Variants in TCF12 observed in about 807,000 individuals in gnomAD.
TCF12 encodes DNA-binding protein HTF4.
TCF12 carries 45 observed loss-of-function variants against 86.0 expected under a neutral mutation model. That is an observed-to-expected ratio of 0.52 (90% confidence interval 0.41 to 0.67). The LOEUF is 0.67. Ranked by LOEUF, TCF12 falls within the 30% of genes least tolerant of loss-of-function variation. The pLI, the probability that TCF12 is intolerant of heterozygous loss-of-function variation, is 0.00. For synonymous variants in TCF12, 330 were observed against 299.6 expected (o/e 1.10, Z -1.05); for missense variants, 881 against 859.9 (o/e 1.02, Z -0.31).
chr15:57,203,284 C>G (rs559852431), intron 8 of TCF12, among the ~76,000 whole-genome samples: 1 of 152,024 alleles, frequency 6.6e-6, no homozygotes, highest in South Asian at 2.1e-4. Context: ...CTAAATCACT[C>G]GTTGAACATC....
chr15:57,130,032 A>C (rs2051984407), intron 5 of TCF12: 1 of 152,218 alleles, frequency 6.6e-6, no homozygotes, highest in Non-Finnish European at 1.5e-5. Flanking sequence ...GTAAAAGCAA[A>C]AATAGCTGAT....
At position 57,191,833 on chromosome 15, in the gene TCF12, C is replaced by T. The variant is rs548752925; in HGVS notation, c.391-325C>T. On this transcript the variant is annotated intron_variant, in intron 6 of 20. Transcript: ENST00000333725. ...CCTGTAATCCCAGCTACTCAGGAGGCTGAGGCATGAGAATCGCTTGAACAC... is the reference window on the plus strand; with the variant it reads ...CCTGTAATCCCAGCTACTCAGGAGGTTGAGGCATGAGAATCGCTTGAACAC... Among the ~76,000 whole-genome samples, 7 of 151,910 alleles carry T rather than the reference C, an allele frequency of 4.6e-5. No individual in the cohort carries two copies. In the South Asian group the frequency reaches 1.5e-3, roughly 32 times the overall value.
At chr15:57,172,785 T>C (rs1048466953) in intron 6 of TCF12, among the ~76,000 whole-genome samples, 8 of 151,936 alleles carry the variant, frequency 5.3e-5, no homozygotes, top group Non-Finnish European at 8.8e-5. Flanking sequence ...AATACAAGTT[T>C]AGTAAAAAGC....
intron 3 of TCF12, among the ~76,000 whole-genome samples, chr15:56,931,275 G>A (rs150551413): frequency 6.6e-6 from 1 of 152,202 alleles, no homozygotes; most frequent in African/African-American, 2.4e-5. Flanking sequence ...CATTGATTTA[G>A]GGAATCAAGA....
chr15:57,249,516 A>G (rs749355689), intron 13 of TCF12, among the ~76,000 whole-genome samples: 8 of 152,138 alleles, frequency 5.3e-5, no homozygotes, highest in Non-Finnish European at 1.0e-4. Flanking sequence ...TGTGAAATCT[A>G]ATCAGGTTAT....
At chr15:57,247,741 A>G (rs1319228665) in intron 13 of TCF12, 3 of 734,060 alleles carry the variant, frequency 4.1e-6, no homozygotes, top group South Asian at 1.4e-5. Context: ...GTTCCACTAC[A>G]CACCTGTCAG....
chr15:57,112,085 C>A (rs1398925605), intron 5 of TCF12, among the ~76,000 whole-genome samples: 1 of 152,144 alleles, frequency 6.6e-6, no homozygotes, highest in Admixed American at 6.5e-5. Context: ...GAAAGGAAAT[C>A]CTCTGCCCCT....
intron 3 of TCF12, among the ~76,000 whole-genome samples, chr15:56,934,166 C>T (rs931703813): frequency 3.3e-5 from 5 of 152,072 alleles, no homozygotes; most frequent in African/African-American, 1.2e-4. Flanking sequence ...GTCCTTTATT[C>T]TCAGCTCAGT....
At chr15:57,141,186 T>G (rs1440756818) in intron 5 of TCF12, among the ~76,000 whole-genome samples, 1 of 152,208 alleles carries the variant, frequency 6.6e-6, no homozygotes, top group Non-Finnish European at 1.5e-5. Context: ...TTCAAATGTA[T>G]TTATTTTCTT....
At chr15:57,208,301 G>A (rs1312094498) in intron 8 of TCF12, among the ~76,000 whole-genome samples, 1 of 151,172 alleles carries the variant, frequency 6.6e-6, no homozygotes, top group Non-Finnish European at 1.5e-5. Flanking sequence ...CAAAGTGCTG[G>A]GATTACAGTT....
intron 13 of TCF12, chr15:57,247,691 C>T (rs1401212412): frequency 1.3e-6 from 1 of 746,016 alleles, no homozygotes; most frequent in Non-Finnish European, 2.4e-6. Flanking sequence ...TAGATGGGCA[C>T]CAGACTTTAC....
At chr15:57,231,981 AAAAT>A (rs1943294639) in intron 9 of TCF12, among the ~76,000 whole-genome samples, 1 of 152,220 alleles carries the variant, frequency 6.6e-6, no homozygotes, top group South Asian at 2.1e-4. Context: ...CACTTAACTA[AAAAT>A]AAATCTAGCC....
intron 4 of TCF12, among the ~76,000 whole-genome samples, chr15:57,065,700 T>C (rs1473145294): frequency 2.2e-5 from 3 of 138,586 alleles, no homozygotes; most frequent in Admixed American, 7.6e-5. Flanking sequence ...CAAACACTTA[T>C]GTAATTTATG....
intron 6 of TCF12, 106 bp from the exon 7 acceptor site, chr15:57,192,052 A>T: frequency 7.6e-7 from 1 of 1,324,172 alleles, no homozygotes; most frequent in Non-Finnish European, 1.0e-6. Flanking sequence ...GTGCGTTCTA[A>T]GTTAAGACAT....
At chr15:57,272,522 G>A (rs1192660096) in intron 18 of TCF12, among the ~76,000 whole-genome samples, 1 of 152,162 alleles carries the variant, frequency 6.6e-6, no homozygotes, top group Non-Finnish European at 1.5e-5. Context: ...AAGAGCATAG[G>A]CTAAGCAAAT....
In TCF12 at chr15:57,286,982, G is replaced by C. The variant is rs2061955862; in HGVS notation, c.*837G>C. 6.2e-6 allele frequency: 1 copy of C among 161,620 alleles called. No individual in the cohort carries two copies. Among genetic ancestry groups the C allele is most frequent in the Admixed American group, 6.1e-5 (1 of 16,414 alleles). 10.0% of individuals were successfully genotyped at this position (161,620 alleles called of 1,614,324 possible). On this transcript the variant is annotated 3_prime_UTR_variant, in exon 21 of 21. Transcript: ENST00000333725. Reference sequence around the variant, plus strand: ...TTAAAAGGGGAAATTTTGTTCTCTAGGTTTTCCCCCAAATAAACATTGCTT... The same window carrying C: ...TTAAAAGGGGAAATTTTGTTCTCTACGTTTTCCCCCAAATAAACATTGCTT...
chr15:56,955,665 G>A (rs532249722), intron 3 of TCF12, among the ~76,000 whole-genome samples: 1 of 152,190 alleles, frequency 6.6e-6, no homozygotes, highest in Non-Finnish European at 1.5e-5. Context: ...AATATGGTTT[G>A]CCTTGGCAAA....
intron 4 of TCF12, among the ~76,000 whole-genome samples, chr15:57,080,266 G>T (rs1339173958): frequency 1.3e-5 from 2 of 152,164 alleles, no homozygotes; most frequent in East Asian, 1.9e-4. Context: ...AAACCTTTCT[G>T]TTTTTCAAAG....
At chr15:57,064,659 G>C (rs1348714727) in intron 4 of TCF12, among the ~76,000 whole-genome samples, 3 of 151,812 alleles carry the variant, frequency 2.0e-5, no homozygotes, top group African/African-American at 7.3e-5. Flanking sequence ...GCCAAGGCGT[G>C]GGGGTGGGCA....
Sources: allele counts gnomAD v4.1 joint callset (sites outside exome capture counted in the v4.1 genomes callset), GRCh38; gene constraint gnomAD v4.1.1; transcripts MANE v1.5; gene names NCBI Gene and HGNC (gene_info 2026-07-23, HGNC 2026-07-21).